Variants in PRIM1 observed in about 807,000 individuals in gnomAD.
PRIM1 encodes the protein DNA primase small subunit.
Under a neutral mutation model 60.2 loss-of-function variants are expected in PRIM1, and 38 were observed. That is an observed-to-expected ratio of 0.63 (90% CI 0.49 to 0.83). The LOEUF (loss-of-function observed/expected upper bound fraction) is 0.83, where lower values mean the gene tolerates loss of function less well. Among genes scored for constraint, PRIM1 ranks in the 40% least tolerant of loss-of-function variants. The probability of loss-of-function intolerance (pLI) is 0.00; values close to 1 mark genes in which losing one functional copy is unlikely to be tolerated. For synonymous variants in PRIM1, 158 were observed against 160.2 expected (o/e 0.99, Z 0.10); for missense variants, 388 against 506.2 (o/e 0.77, Z 2.24).
chr12:56,744,076 G>A lies in PRIM1; in HGVS notation c.627C>T (p.His209=). Residue 209 remains histidine (H), a synonymous_variant, in exon 6 of 13, where the codon CAC becomes CAT. Coordinates refer to ENST00000338193, the MANE Select transcript of PRIM1 (RefSeq NM_000946.3). ...CTTTTCCAACAGACCTGATAAAAGGGTGAATTTTTTCACTTAGGTGAACTT... is the reference window on the plus strand; with the variant it reads ...CTTTTCCAACAGACCTGATAAAAGGATGAATTTTTTCACTTAGGTGAACTT... ...KKKVHLSEKI[H]PFIRKSINII... The A allele has an allele frequency of 6.4e-7, 1 of 1,573,034 alleles. No individual in the cohort carries two copies. Among genetic ancestry groups the A allele is most frequent in the Non-Finnish European group, 8.6e-7 (1 of 1,157,072 alleles).
chr12:56,734,082 A>G, intron 12 of PRIM1, 65 bp downstream of exon 12: 1 of 1,165,704 alleles, frequency 8.6e-7, no homozygotes, highest in South Asian at 1.4e-5. Flanking sequence ...CTAGAACTCA[A>G]AAATTGCTCA....
chr12:56,746,342 A>G, intron 4 of PRIM1, 161 bp from the exon 5 acceptor site: 2 of 948,274 alleles, frequency 2.1e-6, no homozygotes, highest in Non-Finnish European at 3.3e-6. Context: ...TTAAAAAACT[A>G]TTTTATTAGG....
intron 6 of PRIM1, chr12:56,743,837 A>G: frequency 2.4e-6 from 1 of 409,354 alleles, no homozygotes; most frequent in Non-Finnish European, 4.4e-6. Flanking sequence ...TTCCTTATCT[A>G]TAAATGGAGA....
chr12:56,734,169 T>G lies in PRIM1; in HGVS notation c.1221A>C (p.Lys407Asn). The G allele has an allele frequency of 6.2e-7, 1 of 1,605,858 alleles. No homozygotes were observed. Among genetic ancestry groups the G allele is most frequent in the South Asian group, 1.1e-5 (1 of 90,770 alleles). ...TACCACTCTTCTTAAGAAGTTCTCCTTTTCGGGATTTATCCAGATTTTCAA... is the reference window on the plus strand; with the variant it reads ...TACCACTCTTCTTAAGAAGTTCTCCGTTTCGGGATTTATCCAGATTTTCAA... ...HFLENLDKSR[K>N]GELLKKSDLQ... is the part of the protein sequence containing the mutation. Residue 407 changes from lysine (K) to asparagine (N), a missense_variant, in exon 12 of 13, where the codon AAA (lysine) becomes AAC (asparagine). Lys to Asn is a moderately conservative substitution (Grantham distance 94). Around this residue, in one of 3 missense-constraint regions of PRIM1, gnomAD observed 211 missense variants for 277.9 expected, o/e 0.76. Transcript: ENST00000338193.
At chr12:56,748,863 G>A (rs1377124509) in intron 2 of PRIM1, among the ~76,000 whole-genome samples, 1 of 151,902 alleles carries the variant, frequency 6.6e-6, no homozygotes. Context: ...AAGCTGAGGT[G>A]GGAGAATCAC....
At chr12:56,734,916 A>G (rs960100630) in intron 11 of PRIM1, among the ~76,000 whole-genome samples, 1 of 150,220 alleles carries the variant, frequency 6.7e-6, no homozygotes, top group African/African-American at 2.5e-5. Flanking sequence ...GGTTCAAGCA[A>G]TTCTCCTACC....
intron 12 of PRIM1, among the ~76,000 whole-genome samples, chr12:56,733,293 G>T (rs1282718789): frequency 1.3e-5 from 2 of 151,824 alleles, no homozygotes; most frequent in Admixed American, 1.3e-4. Flanking sequence ...TAGTAGCTGG[G>T]ATTACAGGCT....
At chr12:56,735,242 G>A (rs1210267181) in intron 11 of PRIM1, among the ~76,000 whole-genome samples, 1 of 151,878 alleles carries the variant, frequency 6.6e-6, no homozygotes, top group African/African-American at 2.4e-5. Context: ...GGGACTATAG[G>A]TGTGTGCCAC....
intron 12 of PRIM1, among the ~76,000 whole-genome samples, chr12:56,732,583 A>C (rs1247613814): frequency 6.6e-6 from 1 of 152,166 alleles, no homozygotes; most frequent in Non-Finnish European, 1.5e-5. Context: ...AACCAAGCCC[A>C]AACACATAAG....
At position 56,733,880 on chromosome 12, in the gene PRIM1, C is replaced by T. The variant is rs183979707; in HGVS notation, c.1243+267G>A. The stretch of plus-strand genomic sequence containing the variant: ...TGCTGGGATTACAGGCGTGAGCCAC[C>T]GTGCCTGGCCAAGTTAGTACTTCTT... On this transcript the variant is annotated intron_variant, in intron 12 of 12. Transcript: ENST00000338193. 1.3e-4 allele frequency among the ~76,000 whole-genome samples: 20 copies of T among 152,232 alleles called. No individual in the cohort carries two copies. In the East Asian group the frequency reaches 3.9e-3, roughly 29 times the overall value.
At chr12:56,735,865 G>A (rs1953823913) in intron 11 of PRIM1, among the ~76,000 whole-genome samples, 1 of 150,490 alleles carries the variant, frequency 6.6e-6, no homozygotes, top group Admixed American at 6.6e-5. Context: ...TGGCCAGGCT[G>A]GTCTTGAACT....
chr12:56,739,980 T>C (rs1202138141), intron 9 of PRIM1, among the ~76,000 whole-genome samples: 2 of 151,896 alleles, frequency 1.3e-5, no homozygotes, highest in African/African-American at 2.4e-5. Flanking sequence ...CTACTAAAAA[T>C]ACAAAAATTA....
chr12:56,737,276 G>A (rs771480192), intron 11 of PRIM1, among the ~76,000 whole-genome samples: 27 of 151,926 alleles, frequency 1.8e-4, no homozygotes, highest in East Asian at 3.9e-4. Flanking sequence ...TTTGCAGTCC[G>A]TGCAAAAATT....
chr12:56,746,369 A>G, intron 4 of PRIM1, 188 bp from the exon 5 acceptor site: 1 of 786,860 alleles, frequency 1.3e-6, no homozygotes, highest in Non-Finnish European at 2.1e-6. Context: ...GTGGTAGCTC[A>G]CGCCTGTAAT....
At chr12:56,739,460 C>A in intron 9 of PRIM1, 97 bp from the exon 10 acceptor site, 1 of 758,540 alleles carries the variant, frequency 1.3e-6, no homozygotes, top group Non-Finnish European at 2.0e-6. Context: ...TTATTTAAGG[C>A]TTAGACAAAG....
rs1592332769 is a variant in PRIM1, at chr12:56,739,299, G to A, written c.1047C>T (p.Thr349=). ...ATCAATGATCTGAAACATACCTTAT[G>A]GTCGGAACAGTAAATGGATCAAACT... The part of the protein sequence containing the change: ...VDQFDPFTVP[T]ISFICRELDA... Residue 349 remains threonine (T), a synonymous_variant, in exon 10 of 13, where the codon ACC becomes ACT. Coordinates refer to ENST00000338193, the MANE Select transcript of PRIM1 (RefSeq NM_000946.3). The A allele has an allele frequency of 1.3e-6, 2 of 1,565,476 alleles. No individual in the cohort carries two copies. The highest frequency in any genetic ancestry group is 1.2e-5 in the South Asian group (1 of 84,582).
intron 10 of PRIM1, 94 bp downstream of exon 10, chr12:56,739,200 C>T (rs1953854726): frequency 2.1e-6 from 2 of 934,374 alleles, no homozygotes; most frequent in East Asian, 3.0e-5. Context: ...TATACCATTC[C>T]CATGCAACTA....
chr12:56,734,310 C>A, intron 11 of PRIM1, 65 bp from the exon 12 acceptor site: 1 of 1,038,708 alleles, frequency 9.6e-7, no homozygotes, highest in Non-Finnish European at 1.4e-6. Context: ...GAAAACACAA[C>A]TAAGTTTCTT....
Position 56,731,665 on chromosome 12 carries a change from T to C in PRIM1, c.*50A>G. The C allele has an allele frequency of 1.4e-6, 2 of 1,457,372 alleles. No individual in the cohort carries two copies. Among genetic ancestry groups the C allele is most frequent in the Non-Finnish European group, 1.9e-6 (2 of 1,071,492 alleles). 90.3% of individuals were successfully genotyped at this position (1,457,372 alleles called of 1,614,324 possible). ...ATTAAATGGCTCTTGAAGTATTTGA[T>C]CTGTGGTTGAAGGCAGAAGATATCC... On this transcript the variant is annotated 3_prime_UTR_variant, in exon 13 of 13. Coordinates refer to ENST00000338193, the MANE Select transcript of PRIM1 (RefSeq NM_000946.3).
Sources: allele counts gnomAD v4.1 joint callset (sites outside exome capture counted in the v4.1 genomes callset), GRCh38; gene constraint gnomAD v4.1.1; regional missense constraint gnomAD v4.1.1; transcripts MANE v1.5; gene names NCBI Gene and HGNC (gene_info 2026-07-23, HGNC 2026-07-21).